Variants in CYP2B6 observed in about 807,000 individuals in gnomAD.
The protein encoded by CYP2B6 is cytochrome P450 family 2 subfamily B member 6, also known as cytochrome P450 2B6.
A neutral mutation model predicts 43.4 loss-of-function variants in CYP2B6; 35 were observed. The ratio of observed to expected loss-of-function variants is 0.81; its 90% CI spans 0.62 to 1.07. The LOEUF (loss-of-function observed/expected upper bound fraction) is 1.07, where lower values mean the gene tolerates loss of function less well. Ranked by LOEUF, CYP2B6 falls within the 50% of genes least tolerant of loss-of-function variation. The pLI, the probability that CYP2B6 is intolerant of heterozygous loss-of-function variation, is 0.00. For missense variants in CYP2B6, 624 were observed against 632.8 expected, an observed-to-expected ratio of 0.99 and a Z score of 0.15; for synonymous variants, 239 against 239.2, an observed-to-expected ratio of 1.00 and a Z score of 0.01.
Position 41,017,056 on chromosome 19 carries a change from T to G in CYP2B6, c.*229T>G. 1 of 369,532 alleles carries G rather than the reference T, an allele frequency of 2.7e-6. No homozygotes were observed. The highest frequency in any genetic ancestry group is 3.9e-5 in the South Asian group (1 of 25,496). The allele number at this position is 369,532 out of a possible 1,614,324, so 22.9% of individuals were successfully genotyped here. A position where few individuals can be genotyped will look rare whatever the true frequency, so the allele number is the denominator to read the frequency against. ...ATCATATATATATATATGTTCTTGTTTTTTGAGACAGAGTCTCACACTGTT... is the reference window on the plus strand; with the variant it reads ...ATCATATATATATATATGTTCTTGTGTTTTGAGACAGAGTCTCACACTGTT... On this transcript the variant is annotated 3_prime_UTR_variant, in exon 9 of 9. Transcript: ENST00000324071.
At position 41,010,125 on chromosome 19, in the gene CYP2B6, T is replaced by G. The variant is rs1969257875; in HGVS notation, c.954T>G (p.Pro318=). 6.2e-7 allele frequency: 1 copy of G among 1,613,246 alleles called. No individual in the cohort carries two copies. Among genetic ancestry groups the G allele is most frequent in the Non-Finnish European group, 8.5e-7 (1 of 1,180,000 alleles). Residue 318 remains proline (P), a synonymous_variant, in exon 6 of 9, where the codon CCT becomes CCG. Coordinates refer to ENST00000324071, the MANE Select transcript of CYP2B6 (RefSeq NM_000767.5). ...RYGFLLMLKY[P]HVAERVYREI... ...GCTTCCTGCTCATGCTCAAATACCC[T>G]CATGTTGCAGGTGGGCCAGGGACAG...
At chr19:40,998,255 T>C (rs552855691) in intron 1 of CYP2B6, among the ~76,000 whole-genome samples, 2 of 152,236 alleles carry the variant, frequency 1.3e-5, no homozygotes, top group East Asian at 3.9e-4. Context: ...GCACAAATCA[T>C]GCCTCTGTTA....
Position 40,996,731 on chromosome 19 carries a change from G to A in CYP2B6, c.171+5255G>A, listed in dbSNP as rs543824637. On this transcript the variant is annotated intron_variant, in intron 1 of 8. Transcript: ENST00000324071. The stretch of plus-strand genomic sequence containing the variant: ...AGTAATGGAAATTTTAAGAACTCAG[G>A]AAGGACCAGGCGGCCATCTAGGGTC... Among the ~76,000 whole-genome samples the A allele has an allele frequency of 1.9e-4, 29 of 152,226 alleles. No homozygotes were observed. The South Asian group carries it at 6.0e-3, about 32-fold the overall frequency.
chr19:41,013,054 C>T (rs1334366881), intron 8 of CYP2B6: 6 of 544,152 alleles, frequency 1.1e-5, no homozygotes, highest in Non-Finnish European at 2.0e-5. Context: ...CATCTCTAAA[C>T]CTCAGTGAGT....
At chr19:41,006,481 G>T (rs1199174633) in intron 3 of CYP2B6, among the ~76,000 whole-genome samples, 2 of 151,810 alleles carry the variant, frequency 1.3e-5, no homozygotes, top group South Asian at 2.1e-4. Flanking sequence ...ATAAGCAATT[G>T]ATTGAACACC....
chr19:41,003,344 A>G (rs1280328082), intron 1 of CYP2B6, among the ~76,000 whole-genome samples: 5 of 152,114 alleles, frequency 3.3e-5, no homozygotes, highest in Non-Finnish European at 5.9e-5. Flanking sequence ...CAGTGCAGAC[A>G]TGGTGGACAA....
chr19:40,999,229 A>C (rs1443857492), intron 1 of CYP2B6, among the ~76,000 whole-genome samples: 1 of 152,134 alleles, frequency 6.6e-6, no homozygotes, highest in Non-Finnish European at 1.5e-5. Context: ...TCTTCTTTTG[A>C]AAAGTGTCTG....
In CYP2B6 at chr19:41,003,863, A is replaced by G. The variant is rs1384876407; in HGVS notation, c.172-138A>G. On this transcript the variant is annotated intron_variant, in intron 1 of 8. Transcript: ENST00000324071. ...CATTAACCCTTAATTGCTGGGTCCC[A>G]GCAGGGGAAAGGGCAGCCTGGGGAG... 2.5e-4 allele frequency: 288 copies of G among 1,152,444 alleles called. No homozygotes were observed. The African/African-American group carries it at 3.6e-3, about 14-fold the overall frequency. 71.4% of individuals were successfully genotyped at this position (1,152,444 alleles called of 1,614,324 possible).
intron 6 of CYP2B6, among the ~76,000 whole-genome samples, chr19:41,012,097 C>A (rs561248251): frequency 6.6e-6 from 1 of 152,058 alleles, no homozygotes; most frequent in Admixed American, 6.5e-5. Flanking sequence ...TACAGGTGTG[C>A]ACCAGCACAC....
intron 1 of CYP2B6, among the ~76,000 whole-genome samples, chr19:40,992,058 T>C (rs562671969): frequency 2.0e-4 from 31 of 151,982 alleles, no homozygotes; most frequent in South Asian, 1.0e-3. Context: ...AAATATTAGC[T>C]GGGCATAGTG....
In CYP2B6 at chr19:40,997,520, T is replaced by G. The variant is rs1411722085; in HGVS notation, c.171+6044T>G. On this transcript the variant is annotated intron_variant, in intron 1 of 8. Transcript: ENST00000324071. ...AATGATACCAAGTACAGAGTATATA[T>G]GCCAATACTACTATGAATTTTTAAA... is the stretch of plus-strand genomic sequence containing the variant. Among the ~76,000 whole-genome samples, 3 of 152,262 alleles carry G rather than the reference T, an allele frequency of 2.0e-5. No individual in the cohort carries two copies. The South Asian group carries it at 6.2e-4, about 32-fold the overall frequency.
At position 40,991,326 on chromosome 19, in the gene CYP2B6, C is replaced by T. The variant is rs148763852; in HGVS notation, c.21C>T (p.Leu7=). The T allele has an allele frequency of 1.9e-6, 3 of 1,614,002 alleles. No individual in the cohort carries two copies. Among genetic ancestry groups the T allele is most frequent in the Non-Finnish European group, 1.7e-6 (2 of 1,180,046 alleles). MELSVL[L]FLALLTGLLL... is the part of the protein sequence containing the mutation. ...GGACCATGGAACTCAGCGTCCTCCT[C>T]TTCCTTGCACTCCTCACAGGACTCT... is the stretch of plus-strand genomic sequence containing the variant. Residue 7 remains leucine, a synonymous_variant, in exon 1 of 9, where the codon CTC becomes CTT. Transcript: ENST00000324071.
rs1969392538 is a variant in CYP2B6 at position 41,017,745 on chromosome 19, CT to C, written c.*919del. 1 of 152,174 alleles carries C rather than the reference CT, an allele frequency of 6.6e-6. No homozygotes were observed. The highest frequency in any genetic ancestry group is 2.4e-5 in the African/African-American group (1 of 41,446). 9.4% of individuals were successfully genotyped at this position (152,174 alleles called of 1,614,324 possible). A position where few individuals can be genotyped will look rare whatever the true frequency, so the allele number is the denominator to read the frequency against. ...AAAACCCATACCTATCAAGCTGTCA[CT>C]CCCCATACCCCATTCTCTTTTTCAT... On this transcript the variant is annotated 3_prime_UTR_variant, in exon 9 of 9. Transcript: ENST00000324071.
intron 8 of CYP2B6, among the ~76,000 whole-genome samples, chr19:41,014,136 C>T (rs2144678623): frequency 6.6e-6 from 1 of 152,250 alleles, no homozygotes; most frequent in Non-Finnish European, 1.5e-5. Context: ...AAACAAACCC[C>T]CAGTCTTGAG....
chr19:40,999,642 G>A (rs1276246471), intron 1 of CYP2B6, among the ~76,000 whole-genome samples: 1 of 152,006 alleles, frequency 6.6e-6, no homozygotes, highest in Non-Finnish European at 1.5e-5. Context: ...TACCTTATTA[G>A]TTCATAGAAA....
chr19:41,009,657 G>A lies in CYP2B6; in HGVS notation c.822+262G>A. ...AGAATGAAAGACAGAGGGAGAGAGA[G>A]AGAAGACTGGCTGAGGAAGGAATTC... On this transcript the variant is annotated intron_variant, in intron 5 of 8. Transcript: ENST00000324071. 7 of 609,198 alleles carry A rather than the reference G, an allele frequency of 1.1e-5. 2 individuals carry two copies. In the South Asian group the frequency reaches 1.4e-4, roughly 12 times the overall value. 37.7% of individuals were successfully genotyped at this position (609,198 alleles called of 1,614,324 possible).
intron 3 of CYP2B6, 142 bp from the exon 4 acceptor site, chr19:41,006,763 G>A (rs1026116151): frequency 5.2e-6 from 4 of 774,098 alleles, no homozygotes; most frequent in East Asian, 5.4e-5. Flanking sequence ...TACGCGTGAC[G>A]TGCTGGTACA....
chr19:41,001,059 A>G (rs11881991), intron 1 of CYP2B6, among the ~76,000 whole-genome samples: 46,295 of 151,708 alleles, frequency 0.31, 7,655 homozygotes, highest in African/African-American at 0.42. Flanking sequence ...CCAAACAGAA[A>G]CAAACAAACA....
intron 4 of CYP2B6, chr19:41,007,500 C>T (rs1317873663): frequency 5.6e-6 from 1 of 177,598 alleles, no homozygotes. Context: ...CTGTTTCATT[C>T]CAGCTGGGGT....
Sources: allele counts gnomAD v4.1 joint callset (sites outside exome capture counted in the v4.1 genomes callset), GRCh38; gene constraint gnomAD v4.1.1; transcripts MANE v1.5; gene names NCBI Gene and HGNC (gene_info 2026-07-23, HGNC 2026-07-21).